MACC1: variants seen among roughly 807,000 people sequenced by gnomAD.
MACC1 encodes MET transcriptional regulator MACC1, also known as metastasis-associated in colon cancer protein 1.
A neutral mutation model predicts 70.7 loss-of-function variants in MACC1; 79 were observed. The observed-to-expected ratio is 1.12, with a 90% CI of 0.93 to 1.35. The LOEUF (loss-of-function observed/expected upper bound fraction) is 1.35. Among genes scored for constraint, MACC1 ranks in the 40% most tolerant of loss-of-function variants. The pLI, the probability that MACC1 is intolerant of heterozygous loss-of-function variation, is 0.00. For synonymous variants in MACC1, 361 were observed against 347.2 expected (o/e 1.04, Z -0.44); for missense variants, 1,106 against 978.1 (o/e 1.13, Z -1.74).
At chr7:20,185,876 A>G (rs534954422) in intron 1 of MACC1, among the ~76,000 whole-genome samples, 1 of 152,326 alleles carries the variant, frequency 6.6e-6, no homozygotes, top group South Asian at 2.1e-4. Context: ...ACTGAGATAC[A>G]TAGAGATTAA....
intron 5 of MACC1, among the ~76,000 whole-genome samples, chr7:20,157,130 C>T (rs1197265944): frequency 6.6e-6 from 1 of 152,130 alleles, no homozygotes; most frequent in Non-Finnish European, 1.5e-5. Context: ...GTTTCTTCGA[C>T]CTATAAGATG....
chr7:20,165,606 T>G (rs978497752), intron 2 of MACC1, among the ~76,000 whole-genome samples: 1 of 151,946 alleles, frequency 6.6e-6, no homozygotes, highest in Non-Finnish European at 1.5e-5. Flanking sequence ...TTTACACAGG[T>G]GCAAATCACA....
intron 6 of MACC1, among the ~76,000 whole-genome samples, chr7:20,152,116 C>T (rs1171960655): frequency 6.6e-6 from 1 of 151,906 alleles, no homozygotes; most frequent in African/African-American, 2.4e-5. Flanking sequence ...CCCTAAGATA[C>T]AATAAAAATA....
chr7:20,199,561 C>T (rs1015345806), intron 1 of MACC1, among the ~76,000 whole-genome samples: 8 of 152,194 alleles, frequency 5.3e-5, no homozygotes. Context: ...CACCCACACC[C>T]TTGTCACATA....
chr7:20,186,117 G>C (rs1306512446), intron 1 of MACC1, among the ~76,000 whole-genome samples: 2 of 152,198 alleles, frequency 1.3e-5, no homozygotes, highest in Non-Finnish European at 2.9e-5. Context: ...TTACGATAGA[G>C]TTCCAGTTCA....
At chr7:20,206,693 A>G (rs2128108958) in intron 1 of MACC1, among the ~76,000 whole-genome samples, 1 of 152,318 alleles carries the variant, frequency 6.6e-6, no homozygotes, top group East Asian at 1.9e-4. Context: ...CCTGACTCCA[A>G]GACCTGTTCC....
intron 1 of MACC1, among the ~76,000 whole-genome samples, chr7:20,186,654 T>G (rs920216031): frequency 1.3e-5 from 2 of 151,960 alleles, no homozygotes; most frequent in African/African-American, 4.8e-5. Flanking sequence ...GGAACCTGAA[T>G]TAGTCTGTTT....
intron 6 of MACC1, among the ~76,000 whole-genome samples, chr7:20,148,851 T>A (rs1256500594): frequency 1.3e-5 from 2 of 152,228 alleles, no homozygotes; most frequent in Non-Finnish European, 2.9e-5. Context: ...TGAGATATCA[T>A]TCTATACATT....
intron 6 of MACC1, among the ~76,000 whole-genome samples, chr7:20,149,256 G>T (rs1041674270): frequency 1.3e-5 from 2 of 151,714 alleles, no homozygotes; most frequent in Non-Finnish European, 1.5e-5. Flanking sequence ...CTTCCTATAG[G>T]CACTCTCAGT....
chr7:20,170,422 A>G (rs902826405), intron 2 of MACC1: 9 of 152,250 alleles, frequency 5.9e-5, no homozygotes, highest in African/African-American at 2.2e-4. Context: ...ATGAGTGGTT[A>G]CTGACAAAGA....
At chr7:20,195,211 G>GTTTT (rs138093492) in intron 1 of MACC1, among the ~76,000 whole-genome samples, 1,991 of 152,042 alleles carry the variant, frequency 0.013, 39 homozygotes, top group African/African-American at 0.045. Context: ...TTGTTTGTTT[G>GTTTT]TTTAATATAA....
chr7:20,167,176 C>A (rs1782233498), intron 2 of MACC1, among the ~76,000 whole-genome samples: 1 of 151,722 alleles, frequency 6.6e-6, no homozygotes, highest in Admixed American at 6.6e-5. Context: ...CTACCATCAT[C>A]CTTATTTTTT....
intron 1 of MACC1, among the ~76,000 whole-genome samples, chr7:20,214,086 C>G (rs933544714): frequency 6.6e-6 from 1 of 152,024 alleles, no homozygotes; most frequent in African/African-American, 2.4e-5. Flanking sequence ...CCAAAGAGCT[C>G]TCCTGGTGTC....
At chr7:20,184,897 G>T (rs1038180009) in intron 1 of MACC1, 2 of 152,054 alleles carry the variant, frequency 1.3e-5, no homozygotes, top group African/African-American at 4.8e-5. Context: ...TTCTTTAAAG[G>T]TATATTATAA....
chr7:20,187,091 T>C (rs946859384), intron 1 of MACC1, among the ~76,000 whole-genome samples: 2 of 152,242 alleles, frequency 1.3e-5, no homozygotes, highest in Non-Finnish European at 2.9e-5. Flanking sequence ...AACCCAAGCA[T>C]AAGTGAAGAA....
intron 2 of MACC1, among the ~76,000 whole-genome samples, chr7:20,165,587 C>G (rs1223087849): frequency 6.6e-6 from 1 of 151,938 alleles, no homozygotes; most frequent in African/African-American, 2.4e-5. Context: ...TGGACAATGG[C>G]ATTGCTTGTT....
intron 6 of MACC1, among the ~76,000 whole-genome samples, chr7:20,146,464 C>CA (rs1781892914): frequency 6.6e-6 from 1 of 152,086 alleles, no homozygotes; most frequent in African/African-American, 2.4e-5. Context: ...AGTAAGGTCA[C>CA]AAAAAATTCT....
At chr7:20,209,228 C>A (rs144413961) in intron 1 of MACC1, among the ~76,000 whole-genome samples, 5 of 152,328 alleles carry the variant, frequency 3.3e-5, no homozygotes, top group African/African-American at 1.2e-4. Flanking sequence ...GGCTACTGTC[C>A]TCCAGGACCA....
Position 20,158,655 on chromosome 7 carries a change from A to AAGT in MACC1, c.1703_1705dup (p.Tyr568dup), listed in dbSNP as rs1782091433. The AAGT allele has an allele frequency of 2.5e-6, 4 of 1,614,018 alleles. No homozygotes were observed. Among genetic ancestry groups the AAGT allele is most frequent in the Non-Finnish European group, 3.4e-6 (4 of 1,179,970 alleles). On this transcript the variant is annotated inframe_insertion, in exon 5 of 7. Transcript: ENST00000400331. ...TGTGTCCCCTTTGAAATATTCAAGGAAGTAATCAATCTTGCTTTGTCTTAG... is the reference window on the plus strand; with the variant it reads ...TGTGTCCCCTTTGAAATATTCAAGGAAGTAGTAATCAATCTTGCTTTGTCTTAG...
Sources: gnomAD v4.1 joint callset for allele counts (sites outside exome capture counted in the v4.1 genomes callset) on GRCh38, gnomAD v4.1.1 for gene constraint, MANE v1.5 for transcripts, NCBI Gene and HGNC (gene_info 2026-07-23, HGNC 2026-07-21) for gene names.